Variants in KCNK13 observed in about 807,000 individuals in gnomAD.
The protein encoded by KCNK13 is potassium channel subfamily K member 13.
Under a neutral mutation model 23.4 loss-of-function variants are expected in KCNK13, and 12 were observed. That is an observed-to-expected ratio of 0.51 (90% CI 0.33 to 0.83). The LOEUF (loss-of-function observed/expected upper bound fraction) is 0.83, where lower values mean the gene tolerates loss of function less well. Ranked by LOEUF, KCNK13 falls within the 40% of genes least tolerant of loss-of-function variation. The pLI, the probability that KCNK13 is intolerant of heterozygous loss-of-function variation, is 0.02. For missense variants in KCNK13, 463 were observed against 556.3 expected (o/e 0.83, Z 1.69); for synonymous variants, 231 against 229.5 (o/e 1.01, Z -0.06).
At chr14:90,130,626 A>C (rs184780385) in intron 1 of KCNK13, among the ~76,000 whole-genome samples, 16 of 152,074 alleles carry the variant, frequency 1.1e-4, no homozygotes, top group Non-Finnish European at 2.2e-4. Flanking sequence ...AAGCCTGGCC[A>C]AAGTGGCAAA....
intron 1 of KCNK13, among the ~76,000 whole-genome samples, chr14:90,097,512 C>T (rs1760282238): frequency 2.0e-5 from 3 of 151,906 alleles, no homozygotes; most frequent in Admixed American, 2.0e-4. Context: ...CCTCTAGGCC[C>T]CACCTTCCAC....
intron 1 of KCNK13, among the ~76,000 whole-genome samples, chr14:90,154,532 T>C (rs573503735): frequency 1.3e-5 from 2 of 152,340 alleles, no homozygotes; most frequent in East Asian, 1.9e-4. Context: ...TGTGCTCTAC[T>C]AGCCTAGCCC....
At chr14:90,174,829 G>A (rs1468000936) in intron 1 of KCNK13, among the ~76,000 whole-genome samples, 7 of 151,882 alleles carry the variant, frequency 4.6e-5, no homozygotes, top group Non-Finnish European at 1.0e-4. Context: ...ACTCCAGCCT[G>A]GGTGACAGAG....
intron 1 of KCNK13, among the ~76,000 whole-genome samples, chr14:90,123,696 AT>A (rs1380864418): frequency 6.6e-6 from 1 of 152,152 alleles, no homozygotes; most frequent in Non-Finnish European, 1.5e-5. Context: ...CAGTGGCATG[AT>A]CATGGCTCAC....
Position 90,062,142 on chromosome 14 carries a change from T to G in KCNK13, c.-64T>G, listed in dbSNP as rs1215315446. 1.7e-5 allele frequency: 18 copies of G among 1,068,766 alleles called. No homozygotes were observed. The highest frequency in any genetic ancestry group is 1.5e-4 in the South Asian group (6 of 41,168). The allele number at this position is 1,068,766 out of a possible 1,614,324, so 66.2% of individuals were successfully genotyped here. A position where few individuals can be genotyped will look rare whatever the true frequency, so the allele number is the denominator to read the frequency against. ...CGCCGGGGCCCTTATTTCCCGGGGG[T>G]GTGGGCGAGACTCCGCCGACGCCCG... On this transcript the variant is annotated 5_prime_UTR_variant, in exon 1 of 2. Coordinates refer to ENST00000282146, the MANE Select transcript of KCNK13 (RefSeq NM_022054.4). This position sits in a 1 kb window ranked among gnomAD's most constrained non-coding sequence, Gnocchi z 4.5.
At chr14:90,135,385 C>T (rs1889923332) in intron 1 of KCNK13, among the ~76,000 whole-genome samples, 1 of 152,172 alleles carries the variant, frequency 6.6e-6, no homozygotes, top group African/African-American at 2.4e-5. Flanking sequence ...AAGGGAGGTG[C>T]TGAGGTTCAC....
intron 1 of KCNK13, among the ~76,000 whole-genome samples, chr14:90,174,154 A>G (rs550870512): frequency 2.0e-5 from 3 of 151,880 alleles, no homozygotes; most frequent in Non-Finnish European, 4.4e-5. Flanking sequence ...AAAAAATACA[A>G]AAAAAATTAG....
At chr14:90,176,508 CAA>C (rs879445217) in intron 1 of KCNK13, among the ~76,000 whole-genome samples, 2 of 142,982 alleles carry the variant, frequency 1.4e-5, no homozygotes, top group Admixed American at 7.0e-5. Flanking sequence ...GGCTTTTTAC[CAA>C]AAAAAAAAAG....
At chr14:90,169,069 G>A (rs919108027) in intron 1 of KCNK13, among the ~76,000 whole-genome samples, 3 of 152,094 alleles carry the variant, frequency 2.0e-5, no homozygotes, top group African/African-American at 7.2e-5. Context: ...CCAGTCTCAG[G>A]TATGTGTTTA....
intron 1 of KCNK13, among the ~76,000 whole-genome samples, chr14:90,176,621 C>T (rs74437774): frequency 1.3e-4 from 20 of 152,236 alleles, no homozygotes; most frequent in African/African-American, 4.8e-4. Context: ...TTTGGTTCCT[C>T]GGAGTATTGA....
chr14:90,155,679 A>G (rs1890185658), intron 1 of KCNK13, among the ~76,000 whole-genome samples: 1 of 152,226 alleles, frequency 6.6e-6, no homozygotes, highest in South Asian at 2.1e-4. Context: ...TGTCAGAGGA[A>G]GAGTACAAGA....
chr14:90,072,436 C>T (rs1267746422), intron 1 of KCNK13, among the ~76,000 whole-genome samples: 1 of 152,164 alleles, frequency 6.6e-6, no homozygotes, highest in African/African-American at 2.4e-5. Context: ...TTCAGAGTCT[C>T]ACTTTGAAAC....
At chr14:90,132,381 TA>T (rs1889884679) in intron 1 of KCNK13, among the ~76,000 whole-genome samples, 1 of 151,962 alleles carries the variant, frequency 6.6e-6, no homozygotes, top group Non-Finnish European at 1.5e-5. Flanking sequence ...CCGTCTCTAC[TA>T]AAAATACAAA....
At chr14:90,078,624 G>A (rs1889170665) in intron 1 of KCNK13, among the ~76,000 whole-genome samples, 1 of 152,016 alleles carries the variant, frequency 6.6e-6, no homozygotes, top group Non-Finnish European at 1.5e-5. Flanking sequence ...AGGGAAGGCA[G>A]GCAGGCAGGC....
At chr14:90,095,521 TG>T (rs1215540430) in intron 1 of KCNK13, among the ~76,000 whole-genome samples, 1 of 152,214 alleles carries the variant, frequency 6.6e-6, no homozygotes, top group East Asian at 1.9e-4. Context: ...CAGATGTGTT[TG>T]GGTGAAGACC....
At chr14:90,137,302 A>ATTAT (rs918064636) in intron 1 of KCNK13, among the ~76,000 whole-genome samples, 29 of 150,830 alleles carry the variant, frequency 1.9e-4, no homozygotes, top group African/African-American at 5.3e-4. Flanking sequence ...ATTTTATTTT[A>ATTAT]TTATTTATTT....
At chr14:90,153,697 G>A (rs1346367936) in intron 1 of KCNK13, among the ~76,000 whole-genome samples, 3 of 152,206 alleles carry the variant, frequency 2.0e-5, no homozygotes, top group Non-Finnish European at 4.4e-5. Flanking sequence ...AATGTCATCA[G>A]GAGTACTGAA....
chr14:90,111,764 T>C (rs1375730586), intron 1 of KCNK13, among the ~76,000 whole-genome samples: 1 of 152,248 alleles, frequency 6.6e-6, no homozygotes, highest in Non-Finnish European at 1.5e-5. Flanking sequence ...AGGCAGTTGC[T>C]TACTATAGAG....
At chr14:90,162,058 T>C (rs557868386) in intron 1 of KCNK13, among the ~76,000 whole-genome samples, 1 of 152,190 alleles carries the variant, frequency 6.6e-6, no homozygotes, top group African/African-American at 2.4e-5. Flanking sequence ...TGCGCACCTG[T>C]GGTCCCAGGT....
Sources: allele counts gnomAD v4.1 joint callset (sites outside exome capture counted in the v4.1 genomes callset), GRCh38; gene constraint gnomAD v4.1.1; non-coding constraint Gnocchi (gnomAD v3.1); transcripts MANE v1.5; gene names NCBI Gene and HGNC (gene_info 2026-07-23, HGNC 2026-07-21).